ANO3: variants seen among roughly 807,000 people sequenced by gnomAD.
ANO3 encodes anoctamin 3.
Under a neutral mutation model 144.8 loss-of-function variants are expected in ANO3, and 99 were observed. The observed-to-expected ratio is 0.68, with a 90% CI of 0.58 to 0.81. The LOEUF (loss-of-function observed/expected upper bound fraction) is 0.81, where lower values mean the gene tolerates loss of function less well. ANO3 is among the 30% of genes least tolerant of loss of function. The probability of loss-of-function intolerance (pLI) is 0.00; values close to 1 mark genes in which losing one functional copy is unlikely to be tolerated. For missense variants in ANO3, 905 were observed against 1,202.2 expected (o/e 0.75, Z 3.66); for synonymous variants, 414 against 392.6 (o/e 1.05, Z -0.64).
At chr11:26,223,534 G>A (rs766259649) in intron 1 of ANO3, among the ~76,000 whole-genome samples, 1 of 148,958 alleles carries the variant, frequency 6.7e-6, no homozygotes, top group Non-Finnish European at 1.5e-5. Flanking sequence ...CACATTTCTG[G>A]ATATCCTTAT....
chr11:26,399,244 T>C (rs1857090870), intron 1 of ANO3, among the ~76,000 whole-genome samples: 1 of 151,928 alleles, frequency 6.6e-6, no homozygotes, highest in Non-Finnish European at 1.5e-5. Context: ...ACTAAAGTCT[T>C]TAAACTGTAG....
At chr11:26,446,320 C>T (rs1030392412) in intron 3 of ANO3, among the ~76,000 whole-genome samples, 2 of 152,168 alleles carry the variant, frequency 1.3e-5, no homozygotes, top group African/African-American at 2.4e-5. Context: ...TTGCCTTTAG[C>T]GTGCAGAGTA....
rs1425981688 is a variant in ANO3 at position 26,275,269 on chromosome 11, C to T, written c.155-34376C>T. On this transcript the variant is annotated intron_variant, in intron 1 of 27. Coordinates refer to the ANO3 transcript ENST00000672621. Reference sequence around the variant, plus strand: ...ATTTACTGAAAAATGTTTTCTTACTCAATAGGAATGGCCAAATCCACTAAA... The same window carrying T: ...ATTTACTGAAAAATGTTTTCTTACTTAATAGGAATGGCCAAATCCACTAAA... 3.3e-5 allele frequency among the ~76,000 whole-genome samples: 5 copies of T among 151,872 alleles called. No homozygotes were observed. In the East Asian group the frequency reaches 7.7e-4, roughly 23 times the overall value.
chr11:26,606,374 G>A (rs555562965), intron 17 of ANO3, among the ~76,000 whole-genome samples: 1 of 152,246 alleles, frequency 6.6e-6, no homozygotes, highest in South Asian at 2.1e-4. Context: ...GAATAAGTGT[G>A]ATGTGGTGCT....
chr11:26,618,616 G>T (rs930657916), intron 17 of ANO3, among the ~76,000 whole-genome samples: 1 of 152,074 alleles, frequency 6.6e-6, no homozygotes, highest in African/African-American at 2.4e-5. Flanking sequence ...CTTTAGCCTG[G>T]CCTGTGAGGC....
At chr11:26,449,761 T>A (rs1858852504) in intron 3 of ANO3, among the ~76,000 whole-genome samples, 1 of 152,116 alleles carries the variant, frequency 6.6e-6, no homozygotes, top group African/African-American at 2.4e-5. Flanking sequence ...GCCTTTTTTT[T>A]TTTTCTTTTG....
chr11:26,322,440 G>T (rs1854782091), intron 1 of ANO3, among the ~76,000 whole-genome samples: 1 of 151,844 alleles, frequency 6.6e-6, no homozygotes, highest in Admixed American at 6.6e-5. Flanking sequence ...TCTGTTCCAG[G>T]ATCTCATATT....
chr11:26,608,031 T>C (rs1333842013), intron 17 of ANO3, among the ~76,000 whole-genome samples: 1 of 152,242 alleles, frequency 6.6e-6, no homozygotes, highest in Non-Finnish European at 1.5e-5. Context: ...TTTTGGGTTT[T>C]CAGCATTTTT....
At chr11:26,311,619 C>A (rs974188249) in intron 1 of ANO3, among the ~76,000 whole-genome samples, 1 of 152,194 alleles carries the variant, frequency 6.6e-6, no homozygotes, top group Non-Finnish European at 1.5e-5. Context: ...AGTTGCTAGG[C>A]AGCTCTAAGT....
At chr11:26,195,373 A>G (rs548945641) in intron 1 of ANO3, among the ~76,000 whole-genome samples, 58 of 152,344 alleles carry the variant, frequency 3.8e-4, no homozygotes, top group African/African-American at 1.4e-3. Context: ...GAGGTTATGT[A>G]TGTACCAGAA....
At chr11:26,375,009 G>T (rs1054978025) in intron 1 of ANO3, among the ~76,000 whole-genome samples, 3 of 152,162 alleles carry the variant, frequency 2.0e-5, no homozygotes, top group Admixed American at 6.5e-5. Context: ...CTCCCAAAGT[G>T]CTGGGATTAC....
chr11:26,314,458 T>A (rs980962660), intron 1 of ANO3, among the ~76,000 whole-genome samples: 1 of 152,208 alleles, frequency 6.6e-6, no homozygotes, highest in Non-Finnish European at 1.5e-5. Flanking sequence ...TCATTACTGC[T>A]TTTTCATTGT....
intron 17 of ANO3, among the ~76,000 whole-genome samples, chr11:26,615,663 C>T (rs1852238286): frequency 6.6e-6 from 1 of 152,038 alleles, no homozygotes; most frequent in South Asian, 2.1e-4. Flanking sequence ...ACACTTGCTT[C>T]CCTTCGATAT....
rs187545947 is a variant in ANO3 at position 26,537,476 on chromosome 11, C to T, written c.1032+15C>T. ...CACCACATGAGGTAATTTTGAAATACAGTTTCCGCTTTATAAACAAGGTTT... is the reference window on the plus strand; with the variant it reads ...CACCACATGAGGTAATTTTGAAATATAGTTTCCGCTTTATAAACAAGGTTT... On this transcript the variant is annotated intron_variant, in intron 10 of 26. Transcript: ENST00000256737. 5,231 of 1,607,308 alleles carry T rather than the reference C, an allele frequency of 3.3e-3. 23 individuals are homozygous for T. Among genetic ancestry groups the T allele is most frequent in the South Asian group, 0.014 (1,255 of 90,948 alleles).
chr11:26,209,184 C>T (rs34249232), intron 1 of ANO3, among the ~76,000 whole-genome samples: 45,958 of 151,962 alleles, frequency 0.3, 7,687 homozygotes, highest in Non-Finnish European at 0.37. Flanking sequence ...CATAATATTC[C>T]TCTCCCTGTG....
chr11:26,281,926 C>T (rs184575216), intron 1 of ANO3, among the ~76,000 whole-genome samples: 12 of 152,226 alleles, frequency 7.9e-5, no homozygotes, highest in Admixed American at 6.5e-4. Flanking sequence ...ACATGCAGTT[C>T]GTCTATACAA....
At chr11:26,523,670 AT>A (rs1481020396) in intron 6 of ANO3, among the ~76,000 whole-genome samples, 2 of 152,254 alleles carry the variant, frequency 1.3e-5, no homozygotes, top group East Asian at 3.9e-4. Flanking sequence ...ATTATTTTTC[AT>A]TTTTATTTGT....
chr11:26,450,792 G>A (rs933066204), intron 3 of ANO3, among the ~76,000 whole-genome samples: 1 of 152,204 alleles, frequency 6.6e-6, no homozygotes. Flanking sequence ...TCTCCAGGAA[G>A]TATAGCATCG....
chr11:26,254,799 G>T (rs990791102), intron 1 of ANO3, among the ~76,000 whole-genome samples: 1 of 152,114 alleles, frequency 6.6e-6, no homozygotes, highest in African/African-American at 2.4e-5. Flanking sequence ...ATTATGTGAA[G>T]CTCAGTGAGT....
Sources: gnomAD v4.1 joint callset for allele counts (sites outside exome capture counted in the v4.1 genomes callset) on GRCh38, gnomAD v4.1.1 for gene constraint, MANE v1.5 for transcripts, NCBI Gene and HGNC (gene_info 2026-07-23, HGNC 2026-07-21) for gene names.